Variants in HNF4G observed in about 807,000 individuals in gnomAD.
The protein encoded by HNF4G is hepatocyte nuclear factor 4-gamma.
HNF4G carries 21 observed loss-of-function variants against 50.9 expected under a neutral mutation model. The observed-to-expected ratio is 0.41, with a 90% CI of 0.29 to 0.59. The LOEUF is 0.59. HNF4G is among the 20% of genes least tolerant of loss of function. HNF4G has a pLI of 0.26. For synonymous variants in HNF4G, 198 were observed against 185.6 expected (o/e 1.07, Z -0.54); for missense variants, 527 against 559.4 (o/e 0.94, Z 0.58).
intron 1 of HNF4G, among the ~76,000 whole-genome samples, chr8:75,460,590 GA>G (rs1173967373): frequency 6.6e-6 from 1 of 152,190 alleles, no homozygotes; most frequent in East Asian, 1.9e-4. Context: ...GATTTCCAAT[GA>G]TAGGACAATA....
At chr8:75,422,424 T>G (rs1810795614) in intron 1 of HNF4G, among the ~76,000 whole-genome samples, 1 of 152,226 alleles carries the variant, frequency 6.6e-6, no homozygotes, top group Non-Finnish European at 1.5e-5. Flanking sequence ...TCTGCAAAGC[T>G]GCAATTGTGT....
intron 2 of HNF4G, among the ~76,000 whole-genome samples, chr8:75,501,260 G>A (rs1812919218): frequency 6.6e-6 from 1 of 151,878 alleles, no homozygotes; most frequent in Non-Finnish European, 1.5e-5. Flanking sequence ...GGCAAGATAG[G>A]GAGATCGTAT....
Position 75,480,717 on chromosome 8 carries a change from C to CTTTTTTTTTTTTT in HNF4G, c.-143-9369_-143-9368insTTTTTTTTTTTTT, listed in dbSNP as rs748221253. On this transcript the variant is annotated intron_variant, in intron 1 of 10. Transcript: ENST00000354370. ...CTGGATCTCATTTCTTTTTCTTTTT[C>CTTTTTTTTTTTTT]TTTCTTTTTTTTTTTTTTTGAGACA... Among the ~76,000 whole-genome samples, 73 of 123,866 alleles carry CTTTTTTTTTTTTT rather than the reference C, an allele frequency of 5.9e-4. 3 individuals are homozygous for CTTTTTTTTTTTTT. Among genetic ancestry groups the CTTTTTTTTTTTTT allele is most frequent in the Non-Finnish European group, 8.6e-4 (53 of 61,374 alleles). The allele number at this position is 123,866 out of a possible 152,430, so 81.3% of individuals were successfully genotyped here.
chr8:75,411,208 T>C (rs545176610), intron 1 of HNF4G, among the ~76,000 whole-genome samples: 3 of 152,134 alleles, frequency 2.0e-5, no homozygotes, highest in South Asian at 4.2e-4. Flanking sequence ...CCTCATTGAG[T>C]TGCTTGCTGC....
intron 1 of HNF4G, among the ~76,000 whole-genome samples, chr8:75,437,741 A>G (rs80225476): frequency 0.025 from 3,859 of 152,120 alleles, 186 homozygotes; most frequent in African/African-American, 0.086. Flanking sequence ...CAATAAATAT[A>G]AAAACATGGA....
At chr8:75,545,018 A>G (rs1002304384) in intron 2 of HNF4G, among the ~76,000 whole-genome samples, 1 of 152,116 alleles carries the variant, frequency 6.6e-6, no homozygotes, top group Non-Finnish European at 1.5e-5. Flanking sequence ...GGTTAAGAGA[A>G]ATATAAATTG....
intron 2 of HNF4G, among the ~76,000 whole-genome samples, chr8:75,516,826 C>A (rs189006222): frequency 5.1e-4 from 77 of 152,240 alleles, no homozygotes; most frequent in African/African-American, 1.9e-3. Context: ...TTACTCCTGA[C>A]AATATTCCTT....
At chr8:75,490,740 T>A (rs1812608192) in intron 2 of HNF4G, among the ~76,000 whole-genome samples, 1 of 152,212 alleles carries the variant, frequency 6.6e-6, no homozygotes, top group Non-Finnish European at 1.5e-5. Context: ...GAAGAATTTT[T>A]AAAATGTTCA....
intron 1 of HNF4G, among the ~76,000 whole-genome samples, chr8:75,424,942 A>C (rs1344701197): frequency 1.3e-5 from 2 of 152,048 alleles, no homozygotes; most frequent in Non-Finnish European, 2.9e-5. Flanking sequence ...TGGGAGTTCT[A>C]TTTTTAGTGC....
chr8:75,473,764 C>CA (rs1563520327), intron 1 of HNF4G, among the ~76,000 whole-genome samples: 1 of 151,692 alleles, frequency 6.6e-6, no homozygotes, highest in Non-Finnish European at 1.5e-5. Context: ...GAGAACGATG[C>CA]AAAAGAGGCA....
rs1424979444 is a variant in HNF4G at position 75,547,469 on chromosome 8, T to C, written c.288-118T>C. The C allele has an allele frequency of 8.4e-6, 6 of 715,956 alleles. No individual in the cohort carries two copies. In the Middle Eastern group the frequency reaches 1.1e-3, roughly 129 times the overall value. 44.4% of individuals were successfully genotyped at this position (715,956 alleles called of 1,614,324 possible). ...TGGAAAGGTCATAGCTGATTGTTCC[T>C]ATACCTTCTTTTTATCGAACCGAAT... On this transcript the variant is annotated intron_variant, in intron 2 of 9. Coordinates refer to ENST00000396423, the MANE Select transcript of HNF4G (RefSeq NM_004133.5).
At chr8:75,475,042 T>C (rs1270437401) in intron 1 of HNF4G, among the ~76,000 whole-genome samples, 1 of 150,590 alleles carries the variant, frequency 6.6e-6, no homozygotes, top group Non-Finnish European at 1.5e-5. Context: ...GGAGTCTTGC[T>C]CTGTCTTCCA....
At chr8:75,523,218 C>T (rs975659209) in intron 2 of HNF4G, among the ~76,000 whole-genome samples, 41 of 151,542 alleles carry the variant, frequency 2.7e-4, no homozygotes, top group Admixed American at 3.9e-4. Flanking sequence ...AGTGAGACTC[C>T]GTCTGAAAAA....
intron 2 of HNF4G, among the ~76,000 whole-genome samples, chr8:75,506,261 GC>G (rs1472449714): frequency 1.3e-5 from 2 of 152,000 alleles, no homozygotes; most frequent in Admixed American, 1.3e-4. Flanking sequence ...AAAATGTAAA[GC>G]TAATTTTATA....
chr8:75,457,765 A>T (rs1320834817), intron 1 of HNF4G, among the ~76,000 whole-genome samples: 1 of 152,012 alleles, frequency 6.6e-6, no homozygotes, highest in African/African-American at 2.4e-5. Flanking sequence ...CTGCATAAAG[A>T]TATTTTTCTC....
chr8:75,463,986 C>A (rs1426752886), intron 1 of HNF4G, among the ~76,000 whole-genome samples: 1 of 151,996 alleles, frequency 6.6e-6, no homozygotes, highest in Non-Finnish European at 1.5e-5. Flanking sequence ...GTTGGTCAGG[C>A]TGGTCTTGAA....
intron 1 of HNF4G, among the ~76,000 whole-genome samples, chr8:75,413,328 A>G (rs1371179550): frequency 7.5e-5 from 2 of 26,548 alleles, no homozygotes; most frequent in African/African-American, 1.5e-4. Flanking sequence ...GGGGAGGGGA[A>G]GGGAGGGGAG....
intron 1 of HNF4G, among the ~76,000 whole-genome samples, chr8:75,458,479 AATG>A (rs1365633083): frequency 4.0e-4 from 61 of 152,044 alleles, no homozygotes; most frequent in Non-Finnish European, 8.8e-5. Flanking sequence ...CATTTTCCCA[AATG>A]ATACAGGGGT....
intron 2 of HNF4G, among the ~76,000 whole-genome samples, chr8:75,496,578 T>C (rs1812773107): frequency 6.6e-6 from 1 of 152,088 alleles, no homozygotes; most frequent in Non-Finnish European, 1.5e-5. Flanking sequence ...TCCAAAATCT[T>C]GGATTTCTTA....
Sources: allele counts gnomAD v4.1 joint callset (sites outside exome capture counted in the v4.1 genomes callset), GRCh38; gene constraint gnomAD v4.1.1; transcripts MANE v1.5; gene names NCBI Gene and HGNC (gene_info 2026-07-23, HGNC 2026-07-21).